The following LPIN1 variants were observed in gnomAD, a reference collection of about 807,000 sequenced individuals.
LPIN1 encodes the protein lipin 1, also known as phosphatidate phosphatase LPIN1.
LPIN1 carries 71 observed loss-of-function variants against 107.5 expected under a neutral mutation model. The observed-to-expected ratio is 0.66, with a 90% confidence interval of 0.55 to 0.80. The LOEUF (loss-of-function observed/expected upper bound fraction) is 0.80. LPIN1 is among the 30% of genes least tolerant of loss of function. LPIN1 has a pLI of 0.00. For missense variants in LPIN1, 1,043 were observed against 1,160.6 expected (o/e 0.90, Z 1.47); for synonymous variants, 445 against 452.6 (o/e 0.98, Z 0.21).
chr2:11,814,068 A>T (rs1468660243), intron 17 of LPIN1, among the ~76,000 whole-genome samples: 1 of 151,868 alleles, frequency 6.6e-6, no homozygotes, highest in East Asian at 1.9e-4. Flanking sequence ...GGGGGTGTGG[A>T]GAAATGAGGC....
intron 1 of LPIN1, among the ~76,000 whole-genome samples, chr2:11,702,258 C>T (rs1473371252): frequency 6.6e-6 from 1 of 152,146 alleles, no homozygotes; most frequent in Non-Finnish European, 1.5e-5. Context: ...GCAGGGTAAA[C>T]GGGCTTAGGG....
intron 1 of LPIN1, among the ~76,000 whole-genome samples, chr2:11,703,563 T>G (rs902527074): frequency 1.3e-5 from 2 of 152,182 alleles, no homozygotes; most frequent in Admixed American, 6.5e-5. Context: ...AGGACTTGCC[T>G]CATTATTTTG....
intron 1 of LPIN1, among the ~76,000 whole-genome samples, chr2:11,679,311 C>T (rs570154342): frequency 2.6e-5 from 4 of 152,302 alleles, no homozygotes; most frequent in Admixed American, 6.5e-5. Flanking sequence ...GTCCAACCCT[C>T]GTTCTCTCCT....
chr2:11,696,670 T>C (rs930699710), intron 1 of LPIN1, among the ~76,000 whole-genome samples: 4 of 152,126 alleles, frequency 2.6e-5, no homozygotes, highest in African/African-American at 9.7e-5. Context: ...CCCCGAGTGC[T>C]GAGGAGCGAG....
At chr2:11,767,973 A>G in intron 3 of LPIN1, 115 bp downstream of exon 3, 1 of 754,834 alleles carries the variant, frequency 1.3e-6, no homozygotes. Flanking sequence ...TGTGTGGACG[A>G]TGGGGCAGAG....
At chr2:11,823,365 G>A (rs899404514) in intron 20 of LPIN1, among the ~76,000 whole-genome samples, 1 of 152,164 alleles carries the variant, frequency 6.6e-6, no homozygotes, top group Non-Finnish European at 1.5e-5. Context: ...AGACAAATAA[G>A]CCTTAAAGCC....
chr2:11,796,556 G>A (rs532917194), intron 14 of LPIN1, among the ~76,000 whole-genome samples: 189 of 152,270 alleles, frequency 1.2e-3, no homozygotes, highest in Middle Eastern at 3.4e-3. Context: ...ACTGTGAATG[G>A]CCTGGCTCGC....
chr2:11,787,377 GTTTTC>G (rs1011317478), intron 11 of LPIN1, among the ~76,000 whole-genome samples: 2 of 124,416 alleles, frequency 1.6e-5, no homozygotes, highest in Non-Finnish European at 3.4e-5. Context: ...AGTCTTGTGA[GTTTTC>G]TTTTCTTTTC....
chr2:11,759,330 C>T (rs1669251277), intron 1 of LPIN1, among the ~76,000 whole-genome samples: 1 of 152,004 alleles, frequency 6.6e-6, no homozygotes. Flanking sequence ...GACCCTGGGG[C>T]CTTCCGCAGT....
At chr2:11,753,229 G>T (rs1394087197) in intron 1 of LPIN1, among the ~76,000 whole-genome samples, 1 of 152,182 alleles carries the variant, frequency 6.6e-6, no homozygotes. Flanking sequence ...GGGACCCCAG[G>T]GCTGGCTGTT....
At chr2:11,684,253 C>T (rs1332493325) in intron 1 of LPIN1, among the ~76,000 whole-genome samples, 1 of 152,194 alleles carries the variant, frequency 6.6e-6, no homozygotes, top group Non-Finnish European at 1.5e-5. Context: ...GGGTGATGGA[C>T]TCTCTTGTCT....
intron 2 of LPIN1, chr2:11,713,929 C>A (rs925939921): frequency 3.0e-6 from 2 of 659,276 alleles, no homozygotes; most frequent in Non-Finnish European, 2.6e-6. Flanking sequence ...CCAAGGCAGG[C>A]CTATTCCTTT....
intron 18 of LPIN1, chr2:11,817,315 A>C (rs1316673157): frequency 6.6e-6 from 1 of 152,260 alleles, no homozygotes; most frequent in African/African-American, 2.4e-5. Flanking sequence ...AGCCCTCAGC[A>C]CAGGATGGTG....
chr2:11,767,495 A>G (rs1187825186), intron 2 of LPIN1: 3 of 457,518 alleles, frequency 6.6e-6, no homozygotes, highest in Non-Finnish European at 1.2e-5. Flanking sequence ...AATTATAATA[A>G]TGGCCAAAAC....
intron 1 of LPIN1, among the ~76,000 whole-genome samples, chr2:11,760,235 C>T (rs959642330): frequency 3.3e-5 from 5 of 151,134 alleles, no homozygotes; most frequent in Admixed American, 2.0e-4. Flanking sequence ...ACATCCCAGA[C>T]GATGGGCGGC....
chr2:11,718,824 T>C (rs1305833784), intron 2 of LPIN1, among the ~76,000 whole-genome samples: 1 of 152,218 alleles, frequency 6.6e-6, no homozygotes, highest in African/African-American at 2.4e-5. Context: ...ACTTAGTCTC[T>C]TGGGGGACAA....
At chr2:11,679,289 T>A (rs1389571413) in intron 1 of LPIN1, among the ~76,000 whole-genome samples, 2 of 152,172 alleles carry the variant, frequency 1.3e-5, no homozygotes, top group Non-Finnish European at 2.9e-5. Flanking sequence ...AACCCAGGCC[T>A]CCTGGGGCCC....
At position 11,815,595 on chromosome 2, in the gene LPIN1, C is replaced by T. The variant is rs188525634; in HGVS notation, c.2402+355C>T. On this transcript the variant is annotated intron_variant, in intron 18 of 20. Transcript: ENST00000674199. ...CTGTTCCGTCTTTTTGGGTCACTCT[C>T]CTGCTCCATCTCTTCTTGAGTGGCC... 1.8e-3 allele frequency among the ~76,000 whole-genome samples: 281 copies of T among 152,150 alleles called. 1 individual carries two copies. The highest frequency in any genetic ancestry group is 3.6e-3 in the Non-Finnish European group (243 of 67,986).
At chr2:11,813,305 A>G (rs973142313) in intron 17 of LPIN1, among the ~76,000 whole-genome samples, 10 of 152,226 alleles carry the variant, frequency 6.6e-5, no homozygotes, top group African/African-American at 2.4e-4. Flanking sequence ...ACTTAATCCA[A>G]CATATTCAAA....
Sources: allele counts gnomAD v4.1 joint callset (sites outside exome capture counted in the v4.1 genomes callset), GRCh38; gene constraint gnomAD v4.1.1; transcripts MANE v1.5; gene names NCBI Gene and HGNC (gene_info 2026-07-23, HGNC 2026-07-21).